Variants in LAMA2 observed in about 807,000 individuals in gnomAD.
LAMA2 encodes laminin subunit alpha 2, also known as laminin subunit alpha-2.
A neutral mutation model predicts 364.8 loss-of-function variants in LAMA2; 269 were observed. The observed-to-expected ratio is 0.74, with a 90% CI of 0.67 to 0.82. The LOEUF (loss-of-function observed/expected upper bound fraction) is 0.82, where lower values mean the gene tolerates loss of function less well. Among genes scored for constraint, LAMA2 ranks in the 40% least tolerant of loss-of-function variants. The pLI, the probability that LAMA2 is intolerant of heterozygous loss-of-function variation, is 0.00. For missense variants in LAMA2, 3,807 were observed against 3,873.2 expected (o/e 0.98, Z 0.45); for synonymous variants, 1,379 against 1,370.6 (o/e 1.01, Z -0.14).
chr6:128,985,756 T>G (rs1783193686), intron 1 of LAMA2, among the ~76,000 whole-genome samples: 1 of 152,124 alleles, frequency 6.6e-6, no homozygotes, highest in Non-Finnish European at 1.5e-5. Flanking sequence ...TCATATCATA[T>G]AATCTGTAAT....
At chr6:129,263,705 G>T (rs1032951805) in intron 15 of LAMA2, among the ~76,000 whole-genome samples, 2 of 152,100 alleles carry the variant, frequency 1.3e-5, no homozygotes, top group East Asian at 3.9e-4. Context: ...CAGAGTAGTG[G>T]AGTAGTGTAA....
intron 12 of LAMA2, among the ~76,000 whole-genome samples, chr6:129,209,123 A>G (rs565893210): frequency 6.6e-6 from 1 of 152,336 alleles, no homozygotes; most frequent in Non-Finnish European, 1.5e-5. Context: ...ACTGCAGGAA[A>G]AAAAAGAGTG....
At chr6:129,266,223 T>G (rs2114341550) in intron 15 of LAMA2, among the ~76,000 whole-genome samples, 1 of 152,230 alleles carries the variant, frequency 6.6e-6, no homozygotes, top group Non-Finnish European at 1.5e-5. Context: ...AGGGCAGCAG[T>G]ATTTGCCTCA....
At chr6:129,481,501 C>T in intron 55 of LAMA2, 62 bp downstream of exon 55, 5 of 1,369,130 alleles carry the variant, frequency 3.7e-6, no homozygotes, top group Non-Finnish European at 5.2e-6. Context: ...AGTTAACTTA[C>T]TTTTGTATTT....
chr6:129,344,535 A>T (rs1435048861), intron 30 of LAMA2, among the ~76,000 whole-genome samples: 6 of 152,216 alleles, frequency 3.9e-5, no homozygotes, highest in Non-Finnish European at 7.3e-5. Flanking sequence ...GAAATATGCA[A>T]ATAGCTGCAG....
At chr6:129,495,695 G>A (rs568240688) in intron 58 of LAMA2, among the ~76,000 whole-genome samples, 64 of 152,154 alleles carry the variant, frequency 4.2e-4, no homozygotes, top group Admixed American at 6.5e-4. Flanking sequence ...ACTTTTCTAA[G>A]TACTTACACA....
At chr6:129,250,867 G>T (rs977020325) in intron 13 of LAMA2, among the ~76,000 whole-genome samples, 4 of 152,012 alleles carry the variant, frequency 2.6e-5, no homozygotes, top group African/African-American at 9.7e-5. Context: ...CAAATGGGTA[G>T]ATGTTAATTT....
intron 1 of LAMA2, among the ~76,000 whole-genome samples, chr6:129,022,204 T>G (rs185855356): frequency 9.2e-5 from 14 of 152,284 alleles, no homozygotes; most frequent in Non-Finnish European, 1.5e-5. Flanking sequence ...TAAATAAAAT[T>G]TATAAGCCCA....
intron 36 of LAMA2, 101 bp from the exon 37 acceptor site, chr6:129,392,944 C>T (rs1779398229): frequency 6.4e-6 from 6 of 940,386 alleles, no homozygotes; most frequent in Non-Finnish European, 8.2e-6. Context: ...TTTTCTCATT[C>T]TTTTCATGTT....
intron 9 of LAMA2, among the ~76,000 whole-genome samples, chr6:129,170,433 T>C (rs1583179337): frequency 1.5e-5 from 2 of 129,678 alleles, no homozygotes; most frequent in African/African-American, 4.0e-5. Context: ...CAGTAGTCAT[T>C]CAGGAGCAGG....
chr6:129,338,763 A>G (rs1255448032), intron 29 of LAMA2, among the ~76,000 whole-genome samples: 3 of 152,212 alleles, frequency 2.0e-5, no homozygotes, highest in African/African-American at 7.2e-5. Context: ...AGAGAAAGTG[A>G]CATTTAAAAT....
chr6:129,324,759 T>A (rs1406822399), intron 28 of LAMA2, among the ~76,000 whole-genome samples: 2 of 152,330 alleles, frequency 1.3e-5, no homozygotes, highest in Middle Eastern at 6.8e-3. Flanking sequence ...TAAACATATT[T>A]AAACATAGCA....
Position 129,438,768 on chromosome 6 carries a change from C to T in LAMA2, c.6085+6C>T. 7.5e-7 allele frequency: 1 copy of T among 1,341,850 alleles called. No individual in the cohort carries two copies. The highest frequency in any genetic ancestry group is 1.2e-5 in the South Asian group (1 of 85,674). The allele number at this position is 1,341,850 out of a possible 1,614,324, so 83.1% of individuals were successfully genotyped here. The stretch of plus-strand genomic sequence containing the variant: ...GTTATCAGCTATTCCAAATGGTAAG[C>T]ATTCAGGACACTACCAACTGTGTCA... On this transcript the variant is annotated splice_donor_region_variant and intron_variant, in intron 42 of 64. Transcript: ENST00000421865.
At chr6:129,161,496 T>C (rs1583162475) in intron 8 of LAMA2, among the ~76,000 whole-genome samples, 1 of 152,216 alleles carries the variant, frequency 6.6e-6, no homozygotes, top group Non-Finnish European at 1.5e-5. Context: ...ATTTCCTTTA[T>C]TATCTTTTTA....
At chr6:129,371,743 A>AT (rs1423635669) in intron 34 of LAMA2, among the ~76,000 whole-genome samples, 1 of 151,084 alleles carries the variant, frequency 6.6e-6, no homozygotes, top group African/African-American at 2.4e-5. Flanking sequence ...AGTAGCTGGG[A>AT]TTACAGGTGT....
At chr6:129,359,369 C>A (rs1777335167) in intron 32 of LAMA2, among the ~76,000 whole-genome samples, 1 of 150,704 alleles carries the variant, frequency 6.6e-6, no homozygotes, top group Non-Finnish European at 1.5e-5. Flanking sequence ...GGTATGTCGA[C>A]AAATTCATCA....
rs1373688794 is a variant in LAMA2, at chr6:129,312,766, T to A, written c.3175-95T>A. 9.5e-6 allele frequency: 8 copies of A among 838,004 alleles called. No homozygotes were observed. The Admixed American group carries it at 1.6e-4, about 16-fold the overall frequency. The allele number at this position is 838,004 out of a possible 1,614,324, so 51.9% of individuals were successfully genotyped here. ...GCCTATAACAGATACATGATTAATA[T>A]GTGTTTAATGGAAGCATAGAAACAT... On this transcript the variant is annotated intron_variant, in intron 22 of 64. Transcript: ENST00000421865.
Position 129,315,821 on chromosome 6 carries a change from A to G in LAMA2, c.3795A>G (p.Thr1265=), listed in dbSNP as rs1774564305. 6.2e-7 allele frequency: 1 copy of G among 1,614,020 alleles called. No individual in the cohort carries two copies. Among genetic ancestry groups the G allele is most frequent in the Non-Finnish European group, 8.5e-7 (1 of 1,180,014 alleles). ...TCTATTTCGAGGCTCGGGAAGAAAC[A>G]GGTTTCTCTACATATAATCCTCAAG... ...YAIYFEAREE[T]GFSTYNPQVI... is the part of the protein sequence containing the mutation. The change falls in exon 26 of 65, where the codon ACA becomes ACG. Residue 1265 remains threonine (T), a synonymous_variant. Coordinates refer to ENST00000421865, the MANE Select transcript of LAMA2 (RefSeq NM_000426.4).
At chr6:129,258,010 C>G (rs1299700431) in intron 14 of LAMA2, among the ~76,000 whole-genome samples, 1 of 152,034 alleles carries the variant, frequency 6.6e-6, no homozygotes, top group Admixed American at 6.6e-5. Context: ...ATTTATCTGT[C>G]TATCTACCCA....
Sources: allele counts gnomAD v4.1 joint callset (sites outside exome capture counted in the v4.1 genomes callset), GRCh38; gene constraint gnomAD v4.1.1; transcripts MANE v1.5; gene names NCBI Gene and HGNC (gene_info 2026-07-23, HGNC 2026-07-21).